SHPK: variants seen among roughly 807,000 people sequenced by gnomAD.
SHPK encodes the protein sedoheptulokinase.
SHPK carries 51 observed loss-of-function variants against 46.3 expected under a neutral mutation model. The ratio of observed to expected loss-of-function variants is 1.10; its 90% CI spans 0.88 to 1.39. The LOEUF (loss-of-function observed/expected upper bound fraction) is 1.39, where lower values mean the gene tolerates loss of function less well. Among genes scored for constraint, SHPK ranks in the 40% most tolerant of loss-of-function variants. SHPK has a pLI of 0.00. For missense variants in SHPK, 668 were observed against 641.3 expected (o/e 1.04, Z -0.45); for synonymous variants, 290 against 273.9 (o/e 1.06, Z -0.58).
chr17:3,633,001 CAG>C (rs1218456876), intron 1 of SHPK, among the ~76,000 whole-genome samples: 1 of 113,586 alleles, frequency 8.8e-6, no homozygotes, highest in Non-Finnish European at 1.7e-5. Context: ...TTTTTGGAGA[CAG>C]AGTCTTACTC....
In SHPK at chr17:3,621,406, C is replaced by T. The variant is rs2075400474; in HGVS notation, c.654G>A (p.Arg218=). The change falls in exon 5 of 7, where the codon AGG becomes AGA. Residue 218 remains arginine (R), a synonymous_variant. Transcript: ENST00000225519. ...QSQSWNVETL[R]SSGFPVHLLP... is the part of the protein sequence containing the mutation. ...GCAGGTGGACAGGAAAACCCGAGCT[C>T]CTCAGTCTGTAAAACAGAAGTGGAC... 1.2e-6 allele frequency: 2 copies of T among 1,613,550 alleles called. No individual in the cohort carries two copies. Among genetic ancestry groups the T allele is most frequent in the Non-Finnish European group, 1.7e-6 (2 of 1,179,780 alleles).
At chr17:3,635,193 T>TGAAGGAAG (rs1555555958) in intron 1 of SHPK, among the ~76,000 whole-genome samples, 74 of 60,556 alleles carry the variant, frequency 1.2e-3, no homozygotes, top group Non-Finnish European at 1.8e-3. Context: ...AAGGAAAGAA[T>TGAAGGAAG]GAAGGAAGGA....
At position 3,636,229 on chromosome 17, in the gene SHPK, G is replaced by A. The variant is rs190457036; in HGVS notation, c.-10C>T. On this transcript the variant is annotated 5_prime_UTR_variant, in exon 1 of 7. Coordinates refer to ENST00000225519, the MANE Select transcript of SHPK (RefSeq NM_013276.4). ...TCGGCCGCGCAGCCATTATCTCCCT[G>A]ACCCGCGCAGCTCCAGTCTGCAGCC... is the stretch of plus-strand genomic sequence containing the variant. 510 of 1,593,714 alleles carry A rather than the reference G, an allele frequency of 3.2e-4. 2 individuals are homozygous for A. In the Middle Eastern group the frequency reaches 6.8e-3, roughly 21 times the overall value.
rs984776196 is a variant in SHPK at position 3,633,211 on chromosome 17, C to T, written c.168+2841G>A. Among the ~76,000 whole-genome samples, 186 of 151,808 alleles carry T rather than the reference C, an allele frequency of 1.2e-3. 3 individuals carry two copies. The highest frequency in any genetic ancestry group is 2.4e-4 in the Non-Finnish European group (16 of 67,922). On this transcript the variant is annotated intron_variant, in intron 1 of 6. Coordinates refer to ENST00000225519, the MANE Select transcript of SHPK (RefSeq NM_013276.4). ...GGCCAGGCTGGTCTCGAACTCCTGA[C>T]CTCAAGTGATCCACCCACCTCCGCC...
intron 5 of SHPK, among the ~76,000 whole-genome samples, chr17:3,616,027 T>A (rs1168093507): frequency 6.6e-6 from 1 of 152,006 alleles, no homozygotes; most frequent in East Asian, 1.9e-4. Context: ...CTAATTTTTT[T>A]ATTTTTAGTA....
intron 6 of SHPK, among the ~76,000 whole-genome samples, chr17:3,614,474 G>C (rs983675451): frequency 6.6e-6 from 1 of 151,612 alleles, no homozygotes; most frequent in South Asian, 2.1e-4. Flanking sequence ...GCAGTGAGCC[G>C]AGATCGCACT....
At chr17:3,614,356 CT>C (rs2075359506) in intron 6 of SHPK, among the ~76,000 whole-genome samples, 2 of 151,878 alleles carry the variant, frequency 1.3e-5, no homozygotes, top group Non-Finnish European at 2.9e-5. Flanking sequence ...AACCCCACCT[CT>C]ACTAAAAATA....
chr17:3,636,192 T>C lies in SHPK; in HGVS notation c.28A>G (p.Ile10Val), dbSNP rs753500845. The part of the protein sequence containing the change: MAARPITLG[I>V]DLGTTSVKAA... ...TTCACAGATGTGGTGCCCAGGTCAA[T>C]GCCGAGGGTGATCGGCCGCGCAGCC... Residue 10 changes from isoleucine (I) to valine (V), a missense_variant, in exon 1 of 7, where the codon ATT (isoleucine) becomes GTT (valine). Transcript: ENST00000225519. The C allele has an allele frequency of 2.0e-5, 32 of 1,607,090 alleles. No individual in the cohort carries two copies. Among genetic ancestry groups the C allele is most frequent in the Non-Finnish European group, 2.5e-5 (29 of 1,175,654 alleles).
At chr17:3,614,653 G>C (rs1006536454) in intron 6 of SHPK, among the ~76,000 whole-genome samples, 1 of 151,990 alleles carries the variant, frequency 6.6e-6, no homozygotes, top group Non-Finnish European at 1.5e-5. Flanking sequence ...TTCAAGACCA[G>C]CCTGGCCAAC....
intron 1 of SHPK, among the ~76,000 whole-genome samples, chr17:3,635,243 A>AAGGGAGGG (rs1567688973): frequency 6.8e-6 from 1 of 146,958 alleles, no homozygotes; most frequent in African/African-American, 2.5e-5. Flanking sequence ...GGAAGGAAGG[A>AAGGGAGGG]AGGGAAGGAA....
chr17:3,636,157 C>T lies in SHPK; in HGVS notation c.63G>A (p.Leu21=), dbSNP rs2075524933. The T allele has an allele frequency of 6.2e-7, 1 of 1,612,248 alleles. No individual in the cohort carries two copies. The highest frequency in any genetic ancestry group is 1.3e-5 in the African/African-American group (1 of 74,920). The change falls in exon 1 of 7, where the codon CTG becomes CTA. Residue 21 remains leucine (L), a synonymous_variant. Transcript: ENST00000225519. ...DLGTTSVKAA[L]LRAAPDDPSG... ...ATGGGTCGTCGGGCGCGGCCCTCAG[C>T]AGAGCTGCCTTCACAGATGTGGTGC...
chr17:3,625,645 A>C (rs1429430923), intron 2 of SHPK, among the ~76,000 whole-genome samples: 1 of 152,216 alleles, frequency 6.6e-6, no homozygotes, highest in South Asian at 2.1e-4. Context: ...CAGAAGCAGC[A>C]GTGGGCTGAG....
rs1379290398 is a variant in SHPK, at chr17:3,615,159, G to GAGGAA, written c.1024+177_1024+178insTTCCT. 2.6e-5 allele frequency among the ~76,000 whole-genome samples: 4 copies of GAGGAA among 152,240 alleles called. No individual in the cohort carries two copies. In the East Asian group the frequency reaches 7.8e-4, roughly 30 times the overall value. On this transcript the variant is annotated intron_variant, in intron 6 of 6. Transcript: ENST00000225519. ...TAGGTGATGGCAGCTTGGAGGACAA[G>GAGGAA]AAGAAAAGAGGCTGCAAGCTCAGAT...
intron 1 of SHPK, among the ~76,000 whole-genome samples, chr17:3,635,694 G>T (rs1488934380): frequency 6.6e-6 from 1 of 152,190 alleles, no homozygotes; most frequent in Non-Finnish European, 1.5e-5. Context: ...GAGGAGCGGA[G>T]AGCAGCAAGA....
At chr17:3,629,588 C>T (rs532051643) in intron 2 of SHPK, among the ~76,000 whole-genome samples, 101 of 151,992 alleles carry the variant, frequency 6.6e-4, no homozygotes, top group African/African-American at 2.3e-3. Context: ...ATTAGCTGGG[C>T]GTGGTGGCAG....
intron 5 of SHPK, among the ~76,000 whole-genome samples, chr17:3,618,646 G>A (rs911617261): frequency 6.6e-6 from 1 of 152,056 alleles, no homozygotes; most frequent in African/African-American, 2.4e-5. Context: ...TGGGTGTGGT[G>A]GCGTGCGCCT....
At chr17:3,613,035 C>A (rs1039717713) in intron 6 of SHPK, among the ~76,000 whole-genome samples, 2 of 152,154 alleles carry the variant, frequency 1.3e-5, no homozygotes, top group South Asian at 4.1e-4. Flanking sequence ...CAGGTGTGAG[C>A]CACCACGCCC....
intron 1 of SHPK, among the ~76,000 whole-genome samples, chr17:3,634,020 G>A (rs1194791220): frequency 6.7e-6 from 1 of 149,572 alleles, no homozygotes; most frequent in Non-Finnish European, 1.5e-5. Flanking sequence ...GGGTTAAATG[G>A]ATTAAGGGCG....
At position 3,610,370 on chromosome 17, in the gene SHPK, G is replaced by A. The variant is rs1597564264; in HGVS notation, c.*190C>T. 4 of 606,468 alleles carry A rather than the reference G, an allele frequency of 6.6e-6. No individual in the cohort carries two copies. In the African/African-American group the frequency reaches 7.4e-5, roughly 11 times the overall value. 37.6% of individuals were successfully genotyped at this position (606,468 alleles called of 1,614,324 possible). A position where few individuals can be genotyped will look rare whatever the true frequency, so the allele number is the denominator to read the frequency against. On this transcript the variant is annotated 3_prime_UTR_variant, in exon 7 of 7. Coordinates refer to ENST00000225519, the MANE Select transcript of SHPK (RefSeq NM_013276.4). ...TCGGAAGGCACTCATTTGGGATCTG[G>A]CTGACGGCTCCTGGCTGCATTATTA...
Sources: allele counts gnomAD v4.1 joint callset (sites outside exome capture counted in the v4.1 genomes callset), GRCh38; gene constraint gnomAD v4.1.1; transcripts MANE v1.5; gene names NCBI Gene and HGNC (gene_info 2026-07-23, HGNC 2026-07-21).